The following TMEFF2 variants were observed in gnomAD, a reference collection of about 807,000 sequenced individuals.
TMEFF2 encodes transmembrane protein with EGF like and two follistatin like domains 2, also known as tomoregulin-2.
TMEFF2 carries 28 observed loss-of-function variants against 53.8 expected under a neutral mutation model. That is an observed-to-expected ratio of 0.52 (90% CI 0.39 to 0.71). TMEFF2 has a LOEUF of 0.71. Ranked by LOEUF, TMEFF2 falls within the 30% of genes least tolerant of loss-of-function variation. The probability of loss-of-function intolerance (pLI) is 0.00; values close to 1 mark genes in which losing one functional copy is unlikely to be tolerated. For synonymous variants in TMEFF2, 162 were observed against 166.3 expected, an observed-to-expected ratio of 0.97 and a Z score of 0.20; for missense variants, 353 against 455.2, an observed-to-expected ratio of 0.78 and a Z score of 2.04.
In TMEFF2 at chr2:192,191,877, T is replaced by C; in HGVS notation, c.282+3A>G. The C allele has an allele frequency of 5.6e-6, 9 of 1,595,948 alleles. No individual in the cohort carries two copies. The highest frequency in any genetic ancestry group is 7.7e-6 in the Non-Finnish European group (9 of 1,163,934). On this transcript the variant is annotated splice_donor_region_variant and intron_variant, in intron 2 of 9. Transcript: ENST00000272771. ...TAGAAGATGCAAATATAAGACTTCT[T>C]ACCTTGAACTGACAGACGCAAGTCA...
intron 5 of TMEFF2, among the ~76,000 whole-genome samples, chr2:192,049,636 C>T (rs10497721): frequency 1.3e-5 from 2 of 151,822 alleles, no homozygotes; most frequent in Non-Finnish European, 2.9e-5. Flanking sequence ...TGAGTGAGCA[C>T]CAAAAGTTAG....
At chr2:191,964,386 CTTTCTTTCTTTCTCTTTCTTTCTT>C (rs1559063644) in intron 7 of TMEFF2, among the ~76,000 whole-genome samples, 45 of 35,094 alleles carry the variant, frequency 1.3e-3, no homozygotes, top group African/African-American at 2.5e-3. Context: ...TTCTTTCTTT[CTTTCTTTCTTTCTCTTTCTTTCTT>C]TCTTTCTTTC....
At chr2:192,039,965 A>T (rs1483714728) in intron 5 of TMEFF2, among the ~76,000 whole-genome samples, 1 of 152,098 alleles carries the variant, frequency 6.6e-6, no homozygotes, top group Non-Finnish European at 1.5e-5. Context: ...TCAAGTTTTA[A>T]CAAAGAATCA....
intron 7 of TMEFF2, among the ~76,000 whole-genome samples, chr2:191,970,186 C>G (rs2105803172): frequency 6.6e-6 from 1 of 152,028 alleles, no homozygotes; most frequent in East Asian, 1.9e-4. Flanking sequence ...ACAGTAATAC[C>G]AATGAGCAAG....
intron 3 of TMEFF2, among the ~76,000 whole-genome samples, chr2:192,183,836 C>T (rs1179302215): frequency 2.0e-5 from 3 of 152,034 alleles, no homozygotes; most frequent in African/African-American, 7.2e-5. Flanking sequence ...ACAAATGTCA[C>T]TAGAAATTAT....
intron 4 of TMEFF2, among the ~76,000 whole-genome samples, chr2:192,108,017 A>T (rs558343374): frequency 1.4e-4 from 21 of 151,840 alleles, no homozygotes; most frequent in Non-Finnish European, 2.7e-4. Context: ...TATAAACTAA[A>T]TTTCTTTCTT....
At chr2:192,173,900 T>C (rs1419636939) in intron 4 of TMEFF2, among the ~76,000 whole-genome samples, 1 of 151,844 alleles carries the variant, frequency 6.6e-6, no homozygotes. Flanking sequence ...TATATTCTTA[T>C]AGTATATGGG....
intron 4 of TMEFF2, among the ~76,000 whole-genome samples, chr2:192,105,038 A>G (rs549895726): frequency 2.6e-4 from 39 of 152,096 alleles, no homozygotes; most frequent in Non-Finnish European, 5.3e-4. Flanking sequence ...TTTATTGAAA[A>G]GGCTGCTTTT....
At position 192,107,568 on chromosome 2, in the gene TMEFF2, G is replaced by A. The variant is rs188300316; in HGVS notation, c.440-49793C>T. On this transcript the variant is annotated intron_variant, in intron 4 of 9. Transcript: ENST00000272771. ...AAAATAGCTTTTTTAAAGCAGAACTGCCCAATTTATACAATCTCTAGAATC... is the reference window on the plus strand; with the variant it reads ...AAAATAGCTTTTTTAAAGCAGAACTACCCAATTTATACAATCTCTAGAATC... Among the ~76,000 whole-genome samples the A allele has an allele frequency of 2.0e-3, 308 of 151,790 alleles. 1 individual carries two copies. Among genetic ancestry groups the A allele is most frequent in the African/African-American group, 5.5e-3 (227 of 41,518 alleles).
At position 191,950,231 on chromosome 2, in the gene TMEFF2, T is replaced by TGGTCGCCGTATCATTAAAAAAAA; in HGVS notation, c.*79_*80insTTTTTTTTAATGATACGGCGACC. 6.9e-7 allele frequency: 1 copy of TGGTCGCCGTATCATTAAAAAAAA among 1,440,494 alleles called. No individual in the cohort carries two copies. Among genetic ancestry groups the TGGTCGCCGTATCATTAAAAAAAA allele is most frequent in the Non-Finnish European group, 9.1e-7 (1 of 1,093,856 alleles). 89.2% of individuals were successfully genotyped at this position (1,440,494 alleles called of 1,614,324 possible). ...ATGCAAGGCAACATGTGTAGATCTC[T>TGGTCGCCGTATCATTAAAAAAAA]TGTCTTATTCTTTTGTCTATAATAC... On this transcript the variant is annotated 3_prime_UTR_variant, in exon 10 of 10. Coordinates refer to ENST00000272771, the MANE Select transcript of TMEFF2 (RefSeq NM_016192.4).
Position 192,057,697 on chromosome 2 carries a change from T to C in TMEFF2, c.518A>G (p.Glu173Gly). The C allele has an allele frequency of 1.2e-6, 2 of 1,614,048 alleles. No homozygotes were observed. Among genetic ancestry groups the C allele is most frequent in the Non-Finnish European group, 1.7e-6 (2 of 1,179,906 alleles). The change falls in exon 5 of 10, where the codon GAA (glutamate) becomes GGA (glycine). Residue 173 changes from glutamate to glycine, a missense_variant. Transcript: ENST00000272771. ...DICQFGAECD[E>G]DAEDVWCVCN... ...ATATTACCAGACATCCTCGGCATCT[T>C]CGTCACATTCTGCACCAAACTGGCA...
intron 4 of TMEFF2, among the ~76,000 whole-genome samples, chr2:192,127,316 T>C (rs1574396638): frequency 1.3e-5 from 2 of 152,364 alleles, no homozygotes; most frequent in Admixed American, 1.3e-4. Flanking sequence ...GAGCAAATTA[T>C]ACAGGGCTCA....
intron 4 of TMEFF2, among the ~76,000 whole-genome samples, chr2:192,084,987 C>A (rs1444324287): frequency 6.6e-6 from 1 of 152,094 alleles, no homozygotes; most frequent in Non-Finnish European, 1.5e-5. Context: ...TGAAAACTGT[C>A]ATAAAAGCCC....
chr2:192,103,825 G>A (rs1359152292), intron 4 of TMEFF2, among the ~76,000 whole-genome samples: 1 of 151,744 alleles, frequency 6.6e-6, no homozygotes, highest in African/African-American at 2.4e-5. Context: ...TGAGGTGAGG[G>A]CATGCTTGGT....
intron 4 of TMEFF2, among the ~76,000 whole-genome samples, chr2:192,166,833 T>C (rs1574429571): frequency 6.6e-6 from 1 of 152,272 alleles, no homozygotes; most frequent in African/African-American, 2.4e-5. Context: ...GGTATTCTTT[T>C]AAAAAACACG....
chr2:192,007,108 C>G (rs943650360), intron 5 of TMEFF2, among the ~76,000 whole-genome samples: 2 of 152,124 alleles, frequency 1.3e-5, no homozygotes, highest in African/African-American at 4.8e-5. Flanking sequence ...ATCTTTTTTC[C>G]CTTTCCTATT....
intron 5 of TMEFF2, among the ~76,000 whole-genome samples, chr2:192,021,227 A>G (rs1456043017): frequency 2.0e-5 from 3 of 152,168 alleles, no homozygotes; most frequent in African/African-American, 7.2e-5. Flanking sequence ...CTTTCCTAGG[A>G]GAACTGATCA....
intron 7 of TMEFF2, among the ~76,000 whole-genome samples, chr2:191,979,627 G>A (rs547725413): frequency 3.9e-5 from 6 of 152,082 alleles, no homozygotes; most frequent in African/African-American, 1.4e-4. Context: ...CCATACATTT[G>A]CATATGAAGG....
intron 7 of TMEFF2, among the ~76,000 whole-genome samples, chr2:191,988,401 C>T (rs1385764863): frequency 6.6e-6 from 1 of 152,162 alleles, no homozygotes; most frequent in South Asian, 2.1e-4. Context: ...CCTTCAACTT[C>T]CCTGGTGCTC....
Sources: allele counts gnomAD v4.1 joint callset (sites outside exome capture counted in the v4.1 genomes callset), GRCh38; gene constraint gnomAD v4.1.1; transcripts MANE v1.5; gene names NCBI Gene and HGNC (gene_info 2026-07-23, HGNC 2026-07-21).